The following TENM3 variants were observed in gnomAD, a reference collection of about 807,000 sequenced individuals.
TENM3 encodes teneurin transmembrane protein 3.
In TENM3, 63 loss-of-function variants were observed where a neutral mutation model predicts 255.1. That is an observed-to-expected ratio of 0.25 (90% confidence interval 0.20 to 0.30). The LOEUF is 0.30. TENM3 is among the 10% of genes least tolerant of loss of function. The pLI, the probability that TENM3 is intolerant of heterozygous loss-of-function variation, is 1.00. For missense variants in TENM3, 2,929 were observed against 3,461.1 expected (o/e 0.85, Z 3.86); for synonymous variants, 1,306 against 1,322.3 (o/e 0.99, Z 0.27).
At position 182,609,081 on chromosome 4, in the gene TENM3, C is replaced by T. The variant is rs117700598; in HGVS notation, c.749+7920C>T. On this transcript the variant is annotated intron_variant, in intron 4 of 27. Transcript: ENST00000511685. ...CAACTCTTGGGGATGGGACTGGGGA[C>T]GCTAGGCCAGGAACCATTTGCGGAG... 8.8e-3 allele frequency among the ~76,000 whole-genome samples: 1,335 copies of T among 152,222 alleles called. 78 individuals carry two copies. Among genetic ancestry groups the T allele is most frequent in the Admixed American group, 0.074 (1,131 of 15,290 alleles).
chr4:181,858,956 T>G, the TENM3 span, among the ~76,000 whole-genome samples: 1 of 152,012 alleles, frequency 6.6e-6, no homozygotes, highest in Non-Finnish European at 1.5e-5. Context: ...TTTGGGAAGA[T>G]TAATCCAACA....
At chr4:182,335,481 C>T (rs1337984413) in intron 2 of TENM3, among the ~76,000 whole-genome samples, 2 of 89,504 alleles carry the variant, frequency 2.2e-5, no homozygotes, top group Non-Finnish European at 4.2e-5. Flanking sequence ...GGCGACAGAG[C>T]GAGACTCCGC....
chr4:182,725,577 T>C (rs141402213), intron 13 of TENM3, among the ~76,000 whole-genome samples: 34 of 152,156 alleles, frequency 2.2e-4, no homozygotes, highest in African/African-American at 7.5e-4. Flanking sequence ...AGTAATATTT[T>C]GATAAATTTA....
chr4:182,295,454 C>T lies in TENM3; in HGVS notation c.-75-28492C>T, dbSNP rs144405193. Among the ~76,000 whole-genome samples the T allele has an allele frequency of 8.3e-3, 1,263 of 151,606 alleles. 21 individuals are homozygous for T. Among genetic ancestry groups the T allele is most frequent in the African/African-American group, 0.028 (1,176 of 41,348 alleles). On this transcript the variant is annotated intron_variant, in intron 1 of 27. Transcript: ENST00000511685. ...AGCTAATTTTTTAAATTTTTATTAG[C>T]GATGGGGTTTCACCATGTTGTCTAG... is the stretch of plus-strand genomic sequence containing the variant.
At chr4:181,613,947 A>G in the TENM3 span, among the ~76,000 whole-genome samples, 1 of 152,208 alleles carries the variant, frequency 6.6e-6, no homozygotes, top group Admixed American at 6.5e-5. Context: ...TTAGGCCAGA[A>G]AGGAAGGTCT....
At chr4:181,546,917 T>G in the TENM3 span, among the ~76,000 whole-genome samples, 1 of 152,092 alleles carries the variant, frequency 6.6e-6, no homozygotes, top group East Asian at 1.9e-4. Context: ...GAAGGGATGC[T>G]TATTCCTGCT....
At chr4:182,543,201 G>A (rs1487879295) in intron 3 of TENM3, among the ~76,000 whole-genome samples, 1 of 143,518 alleles carries the variant, frequency 7.0e-6, no homozygotes, top group Non-Finnish European at 1.6e-5. Flanking sequence ...ATGCATGGAT[G>A]GATGCAAGGA....
chr4:181,481,144 ACT>A, the TENM3 span, among the ~76,000 whole-genome samples: 3,446 of 151,804 alleles, frequency 0.023, 128 homozygotes, highest in African/African-American at 0.078. Context: ...CCTATAAAAA[ACT>A]CTCTTTTCTT....
At chr4:182,392,908 G>C (rs1291707811) in intron 3 of TENM3, among the ~76,000 whole-genome samples, 1 of 152,138 alleles carries the variant, frequency 6.6e-6, no homozygotes. Context: ...CAAAATTGAA[G>C]AGATAAGAAC....
the TENM3 span, among the ~76,000 whole-genome samples, chr4:181,713,601 G>A: frequency 6.6e-6 from 1 of 151,986 alleles, no homozygotes. Flanking sequence ...AGTACCACCT[G>A]CCCTCGAAAA....
chr4:181,944,609 C>T, the TENM3 span, among the ~76,000 whole-genome samples: 3 of 152,018 alleles, frequency 2.0e-5, no homozygotes, highest in Non-Finnish European at 4.4e-5. Context: ...TTCGTTCTGC[C>T]CTCTGACTAA....
intron 3 of TENM3, among the ~76,000 whole-genome samples, chr4:182,353,843 G>A (rs1213069413): frequency 6.6e-6 from 1 of 152,072 alleles, no homozygotes; most frequent in African/African-American, 2.4e-5. Flanking sequence ...GCAGATGCCT[G>A]TAATCCCAGC....
chr4:182,140,824 G>A (rs1378804974), upstream of TENM3, among the ~76,000 whole-genome samples: 2 of 152,218 alleles, frequency 1.3e-5, no homozygotes, highest in East Asian at 3.9e-4. Flanking sequence ...TGACTAAAAT[G>A]GACAGGTGTC....
intron 1 of TENM3, among the ~76,000 whole-genome samples, chr4:182,280,189 C>T (rs17072957): frequency 0.26 from 39,814 of 152,126 alleles, 7,112 homozygotes; most frequent in African/African-American, 0.51. Context: ...CTTTTGGCCG[C>T]TCGACTTTAG....
the TENM3 span, among the ~76,000 whole-genome samples, chr4:182,059,769 A>G: frequency 1.3e-5 from 2 of 149,038 alleles, no homozygotes; most frequent in Non-Finnish European, 3.0e-5. Context: ...AAAAGAAAAA[A>G]AAAAAAAAGA....
chr4:181,834,095 C>T, the TENM3 span, among the ~76,000 whole-genome samples: 5 of 145,998 alleles, frequency 3.4e-5, no homozygotes, highest in African/African-American at 5.1e-5. Flanking sequence ...ATGAGACTTA[C>T]GAGAAAAAAT....
intron 1 of TENM3, among the ~76,000 whole-genome samples, chr4:182,188,555 G>A (rs190601191): frequency 6.6e-6 from 1 of 152,290 alleles, no homozygotes; most frequent in African/African-American, 2.4e-5. Context: ...TAAAATTCCA[G>A]CTCCTGCAGG....
intron 2 of TENM3, among the ~76,000 whole-genome samples, chr4:182,327,307 A>T (rs977023695): frequency 6.6e-6 from 1 of 152,282 alleles, no homozygotes; most frequent in Middle Eastern, 3.4e-3. Context: ...AGTCATGCTA[A>T]TTTAGCTTTT....
the TENM3 span, among the ~76,000 whole-genome samples, chr4:181,470,141 ACTATT>A: frequency 8.4e-6 from 1 of 119,168 alleles, no homozygotes; most frequent in South Asian, 2.7e-4. Flanking sequence ...TTCAAAAGGA[ACTATT>A]CTATTTACTG....
Sources: gnomAD v4.1 joint callset for allele counts (sites outside exome capture counted in the v4.1 genomes callset) on GRCh38, gnomAD v4.1.1 for gene constraint, MANE v1.5 for transcripts, NCBI Gene and HGNC (gene_info 2026-07-23, HGNC 2026-07-21) for gene names.